VKORC1L1: variants seen among roughly 807,000 people sequenced by gnomAD.
VKORC1L1 encodes the protein vitamin K epoxide reductase complex subunit 1-like protein 1.
Under a neutral mutation model 18.9 loss-of-function variants are expected in VKORC1L1, and 2 were observed. That is an observed-to-expected ratio of 0.11 (90% confidence interval 0.04 to 0.33). VKORC1L1 has a LOEUF of 0.33. Ranked by LOEUF, VKORC1L1 falls within the 10% of genes least tolerant of loss-of-function variation. VKORC1L1 has a pLI of 1.00. For missense variants in VKORC1L1, 123 were observed against 224.1 expected, an observed-to-expected ratio of 0.55 and a Z score of 2.88; for synonymous variants, 96 against 100.0, an observed-to-expected ratio of 0.96 and a Z score of 0.24.
chr7:65,925,436 A>G (rs1305595790), intron 1 of VKORC1L1, among the ~76,000 whole-genome samples: 1 of 152,202 alleles, frequency 6.6e-6, no homozygotes, highest in African/African-American at 2.4e-5. Context: ...TCTGTGTTGT[A>G]TACCAATGCC....
intron 1 of VKORC1L1, among the ~76,000 whole-genome samples, chr7:65,912,589 C>G (rs1001415158): frequency 2.0e-5 from 3 of 152,158 alleles, no homozygotes; most frequent in Admixed American, 2.0e-4. Context: ...ACTGAGGGCT[C>G]CAAGGAAGCT....
chr7:65,949,212 G>A (rs1229675648), intron 2 of VKORC1L1, among the ~76,000 whole-genome samples: 5 of 152,088 alleles, frequency 3.3e-5, no homozygotes, highest in Non-Finnish European at 7.3e-5. Flanking sequence ...GGGTGCGGTG[G>A]TGCACACCTG....
intron 1 of VKORC1L1, among the ~76,000 whole-genome samples, chr7:65,945,485 G>A (rs568809893): frequency 2.0e-5 from 3 of 152,078 alleles, no homozygotes; most frequent in African/African-American, 4.8e-5. Flanking sequence ...GGTGGTGGGC[G>A]CCTGTAGTCC....
At chr7:65,879,657 C>G (rs573114063) in intron 1 of VKORC1L1, among the ~76,000 whole-genome samples, 4 of 152,160 alleles carry the variant, frequency 2.6e-5, no homozygotes, top group Admixed American at 1.3e-4. Context: ...TTTCGTCTTC[C>G]TTTCTTCCTT....
intron 1 of VKORC1L1, among the ~76,000 whole-genome samples, chr7:65,878,303 C>A (rs543226410): frequency 6.6e-6 from 1 of 151,946 alleles, no homozygotes; most frequent in Non-Finnish European, 1.5e-5. Context: ...AAAAATTAGC[C>A]GGGCATGGTG....
chr7:65,869,935 G>T (rs373138819), upstream of VKORC1L1, among the ~76,000 whole-genome samples: 2 of 150,964 alleles, frequency 1.3e-5, no homozygotes, highest in African/African-American at 4.9e-5. Context: ...GATTACAAGC[G>T]TGAGCCACTG....
intron 1 of VKORC1L1, among the ~76,000 whole-genome samples, chr7:65,923,975 T>C (rs371896288): frequency 6.6e-4 from 101 of 152,302 alleles, no homozygotes; most frequent in African/African-American, 2.3e-3. Flanking sequence ...GGGATCGGTC[T>C]TGCTAGTTTC....
chr7:65,942,597 G>C (rs992375484), intron 1 of VKORC1L1, among the ~76,000 whole-genome samples: 1 of 151,766 alleles, frequency 6.6e-6, no homozygotes, highest in Non-Finnish European at 1.5e-5. Context: ...GAGTGCAGTG[G>C]CGCAATCTCG....
At chr7:65,950,386 G>A (rs1370441127) in intron 2 of VKORC1L1, among the ~76,000 whole-genome samples, 3 of 151,898 alleles carry the variant, frequency 2.0e-5, no homozygotes, top group Non-Finnish European at 2.9e-5. Context: ...AGATCTTGTT[G>A]CATACCAATG....
Position 65,954,838 on chromosome 7 carries a change from TAC to T in VKORC1L1, c.*540_*541del, listed in dbSNP as rs1790269075. ...AGATCCATTTCTGCAGAACTTACTG[TAC>T]AGTTTAGTTGGAGTGTAGCACTGAA... On this transcript the variant is annotated 3_prime_UTR_variant, in exon 3 of 3. Transcript: ENST00000360768. The T allele has an allele frequency of 6.3e-5, 10 of 159,192 alleles. No individual in the cohort carries two copies. Among genetic ancestry groups the T allele is most frequent in the Admixed American group, 6.0e-4 (10 of 16,628 alleles). 9.9% of individuals were successfully genotyped at this position (159,192 alleles called of 1,614,324 possible). A position where few individuals can be genotyped will look rare whatever the true frequency, so the allele number is the denominator to read the frequency against.
intron 1 of VKORC1L1, among the ~76,000 whole-genome samples, chr7:65,943,921 A>G (rs1206970906): frequency 6.6e-6 from 1 of 152,226 alleles, no homozygotes. Context: ...TTAAACAACA[A>G]AGAAAAAGCA....
chr7:65,916,289 A>G (rs1469112139), intron 1 of VKORC1L1, among the ~76,000 whole-genome samples: 1 of 151,980 alleles, frequency 6.6e-6, no homozygotes, highest in Non-Finnish European at 1.5e-5. Context: ...ATTAGTTTGT[A>G]TTATTAGAAA....
chr7:65,926,486 C>T (rs1731771509), intron 1 of VKORC1L1, among the ~76,000 whole-genome samples: 1 of 152,178 alleles, frequency 6.6e-6, no homozygotes, highest in African/African-American at 2.4e-5. Context: ...GGAACACTTA[C>T]ATACTGCTGG....
intron 1 of VKORC1L1, among the ~76,000 whole-genome samples, chr7:65,881,718 G>A (rs1447737093): frequency 6.6e-6 from 1 of 152,204 alleles, no homozygotes; most frequent in Non-Finnish European, 1.5e-5. Flanking sequence ...GAATTTGGGC[G>A]AGGGTACTTG....
In VKORC1L1 at chr7:65,947,072, A is replaced by G. The variant is rs1479296284; in HGVS notation, c.195-1599A>G. ...AGAATCACTTGAACCTCGGAGGTCA[A>G]GGCTGCAGTGAGTCATGATTGCAAC... is the stretch of plus-strand genomic sequence containing the variant. On this transcript the variant is annotated intron_variant, in intron 1 of 2. Transcript: ENST00000360768. 2.0e-5 allele frequency among the ~76,000 whole-genome samples: 3 copies of G among 152,172 alleles called. No individual in the cohort carries two copies. The South Asian group carries it at 6.2e-4, about 31-fold the overall frequency.
At chr7:65,897,407 CA>C (rs920658558) in intron 1 of VKORC1L1, among the ~76,000 whole-genome samples, 40 of 152,280 alleles carry the variant, frequency 2.6e-4, no homozygotes, top group African/African-American at 9.1e-4. Flanking sequence ...CTATGGAGAG[CA>C]GTTGAATAAT....
At chr7:65,900,057 G>A (rs1166266346) in intron 1 of VKORC1L1, among the ~76,000 whole-genome samples, 3 of 45,372 alleles carry the variant, frequency 6.6e-5, no homozygotes, top group Non-Finnish European at 1.1e-4. Flanking sequence ...GTGTGTGTGT[G>A]TGTGTGTGTG....
At chr7:65,884,430 A>G (rs1348469283) in intron 1 of VKORC1L1, among the ~76,000 whole-genome samples, 1 of 152,156 alleles carries the variant, frequency 6.6e-6, no homozygotes, top group East Asian at 1.9e-4. Context: ...TGAGGTCAGG[A>G]GTTTGAGACC....
intron 1 of VKORC1L1, among the ~76,000 whole-genome samples, chr7:65,943,524 C>T (rs1790069799): frequency 6.6e-6 from 1 of 152,150 alleles, no homozygotes; most frequent in South Asian, 2.1e-4. Flanking sequence ...ATCTAAGCCT[C>T]ATAATTGTTT....
Sources: gnomAD v4.1 joint callset for allele counts (sites outside exome capture counted in the v4.1 genomes callset) on GRCh38, gnomAD v4.1.1 for gene constraint, MANE v1.5 for transcripts, NCBI Gene and HGNC (gene_info 2026-07-23, HGNC 2026-07-21) for gene names.